UBR2: variants seen among roughly 807,000 people sequenced by gnomAD.
The protein encoded by UBR2 is E3 ubiquitin-protein ligase UBR2.
A neutral mutation model predicts 247.9 loss-of-function variants in UBR2; 92 were observed. That is an observed-to-expected ratio of 0.37 (90% CI 0.31 to 0.44). The LOEUF is 0.44. UBR2 is among the 20% of genes least tolerant of loss of function. The pLI is 1.00. For synonymous variants in UBR2, 672 were observed against 693.5 expected (o/e 0.97, Z 0.49); for missense variants, 1,613 against 2,112.6 (o/e 0.76, Z 4.64).
At chr6:42,669,566 C>G (rs778224235) in intron 34 of UBR2, among the ~76,000 whole-genome samples, 1 of 152,044 alleles carries the variant, frequency 6.6e-6, no homozygotes, top group Non-Finnish European at 1.5e-5. Context: ...TTTGGTTTAT[C>G]TCTTTGATGC....
chr6:42,652,083 C>T lies in UBR2; in HGVS notation c.2614+12C>T. 1 of 1,576,522 alleles carries T rather than the reference C, an allele frequency of 6.3e-7. No homozygotes were observed. The highest frequency in any genetic ancestry group is 1.9e-5 in the Admixed American group (1 of 51,602). On this transcript the variant is annotated intron_variant, in intron 24 of 46. Transcript: ENST00000372901. ...TAGAGAAGATACAGGTATTTTTAAT[C>T]TTTCTGAAAATGTCTTGCCCATCTT...
chr6:42,620,793 T>C (rs1158783533), intron 11 of UBR2, among the ~76,000 whole-genome samples: 3 of 151,506 alleles, frequency 2.0e-5, no homozygotes, highest in Non-Finnish European at 4.4e-5. Context: ...AATTATAACA[T>C]GTACTAATTT....
intron 44 of UBR2, among the ~76,000 whole-genome samples, chr6:42,686,871 C>G (rs998352694): frequency 4.6e-5 from 7 of 151,326 alleles, no homozygotes; most frequent in Non-Finnish European, 8.8e-5. Context: ...GGAGACACTC[C>G]TCACCTCCCA....
intron 8 of UBR2, among the ~76,000 whole-genome samples, chr6:42,614,360 ATATGTGTG>A (rs1460203488): frequency 3.2e-4 from 5 of 15,720 alleles, no homozygotes; most frequent in South Asian, 3.4e-3. Flanking sequence ...ATGTGTGTAT[ATATGTGTG>A]TATGTGTGTA....
intron 2 of UBR2, among the ~76,000 whole-genome samples, chr6:42,583,738 G>A (rs1012648399): frequency 1.1e-4 from 16 of 151,720 alleles, no homozygotes; most frequent in Non-Finnish European, 2.2e-4. Context: ...TGGTCAGGCT[G>A]GTCTTGAACT....
intron 2 of UBR2, among the ~76,000 whole-genome samples, chr6:42,583,945 T>C (rs2151911277): frequency 6.6e-6 from 1 of 152,070 alleles, no homozygotes; most frequent in Middle Eastern, 3.4e-3. Flanking sequence ...TTTCTTGACA[T>C]ACAGATATTT....
At chr6:42,631,047 G>A (rs1240378564) in intron 11 of UBR2, among the ~76,000 whole-genome samples, 8 of 152,138 alleles carry the variant, frequency 5.3e-5, no homozygotes, top group African/African-American at 1.7e-4. Flanking sequence ...CAAATAATCC[G>A]CCTGCCTCAG....
At chr6:42,572,534 A>G (rs569102752) in intron 1 of UBR2, among the ~76,000 whole-genome samples, 37 of 150,752 alleles carry the variant, frequency 2.5e-4, no homozygotes, top group African/African-American at 8.8e-4. Context: ...GTTTTTTTTA[A>G]TTTCAGCTTT....
intron 22 of UBR2, among the ~76,000 whole-genome samples, chr6:42,649,878 A>T (rs1797010380): frequency 6.6e-6 from 1 of 152,204 alleles, no homozygotes. Context: ...TGCTTAGGAA[A>T]GTTCTCTAAA....
chr6:42,590,885 A>G (rs1792616523), intron 2 of UBR2, among the ~76,000 whole-genome samples: 1 of 152,258 alleles, frequency 6.6e-6, no homozygotes, highest in South Asian at 2.1e-4. Flanking sequence ...ATATTCTTTC[A>G]AGTACACACA....
chr6:42,688,996 G>T (rs1475163645), intron 45 of UBR2, among the ~76,000 whole-genome samples: 2 of 152,210 alleles, frequency 1.3e-5, no homozygotes, highest in Non-Finnish European at 2.9e-5. Flanking sequence ...GTAGATCAGG[G>T]AAGGCTTCCT....
At chr6:42,587,267 C>CCCTTCATTCAACT in intron 2 of UBR2, among the ~76,000 whole-genome samples, 1 of 152,232 alleles carries the variant, frequency 6.6e-6, no homozygotes, top group Admixed American at 6.5e-5. Flanking sequence ...TTCATTCTTT[C>CCCTTCATTCAACT]CTGGACTAGA....
intron 7 of UBR2, among the ~76,000 whole-genome samples, chr6:42,608,299 A>T (rs997054786): frequency 9.2e-5 from 14 of 152,230 alleles, no homozygotes; most frequent in African/African-American, 3.4e-4. Context: ...CTTTGTTAAA[A>T]CTATATATTG....
At chr6:42,611,237 G>A (rs971871643) in intron 7 of UBR2, among the ~76,000 whole-genome samples, 1 of 151,130 alleles carries the variant, frequency 6.6e-6, no homozygotes, top group African/African-American at 2.4e-5. Flanking sequence ...CCGAGGTGGG[G>A]GGATCACGAG....
chr6:42,611,229 G>A lies in UBR2; in HGVS notation c.865-942G>A, dbSNP rs573895255. ...TGTAATCCCAGCACTTTGGGAGGCC[G>A]AGGTGGGGGGATCACGAGATCAAGA... On this transcript the variant is annotated intron_variant, in intron 7 of 46. Transcript: ENST00000372901. 4.6e-5 allele frequency among the ~76,000 whole-genome samples: 7 copies of A among 151,288 alleles called. No homozygotes were observed. In the South Asian group the frequency reaches 1.0e-3, roughly 22 times the overall value.
At chr6:42,663,909 A>G (rs1294991171) in intron 32 of UBR2, among the ~76,000 whole-genome samples, 1 of 152,200 alleles carries the variant, frequency 6.6e-6, no homozygotes, top group Non-Finnish European at 1.5e-5. Context: ...CTATAATCCT[A>G]GCACTTTGAG....
chr6:42,685,788 T>A (rs1486085152), intron 44 of UBR2, among the ~76,000 whole-genome samples: 1 of 151,396 alleles, frequency 6.6e-6, no homozygotes, highest in Non-Finnish European at 1.5e-5. Flanking sequence ...GAGGTGGGAG[T>A]ATCACTCGAG....
chr6:42,668,123 CCCTACACAG>C, intron 34 of UBR2, among the ~76,000 whole-genome samples: 1 of 152,190 alleles, frequency 6.6e-6, no homozygotes, highest in East Asian at 1.9e-4. Context: ...TCCCTCCTTC[CCCTACACAG>C]CCTCTGTTCT....
intron 13 of UBR2, chr6:42,634,333 C>A: frequency 5.4e-6 from 2 of 367,846 alleles, no homozygotes; most frequent in Non-Finnish European, 1.0e-5. Context: ...AGATAGGTGA[C>A]GTCTCTAAAA....
Sources: gnomAD v4.1 joint callset for allele counts (sites outside exome capture counted in the v4.1 genomes callset) on GRCh38, gnomAD v4.1.1 for gene constraint, MANE v1.5 for transcripts, NCBI Gene and HGNC (gene_info 2026-07-23, HGNC 2026-07-21) for gene names.